Variants in DGKB observed in about 807,000 individuals in gnomAD.
The protein encoded by DGKB is 90 kDa diacylglycerol kinase.
A neutral mutation model predicts 114.3 loss-of-function variants in DGKB; 67 were observed. That is an observed-to-expected ratio of 0.59 (90% confidence interval 0.48 to 0.72). The LOEUF is 0.72. Ranked by LOEUF, DGKB falls within the 30% of genes least tolerant of loss-of-function variation. The probability of loss-of-function intolerance (pLI) is 0.00; values close to 1 mark genes in which losing one functional copy is unlikely to be tolerated. For synonymous variants in DGKB, 398 were observed against 323.1 expected, an observed-to-expected ratio of 1.23 and a Z score of -2.49; for missense variants, 907 against 975.2, an observed-to-expected ratio of 0.93 and a Z score of 0.93.
chr7:14,748,330 A>G (rs1289237648), intron 4 of DGKB, among the ~76,000 whole-genome samples: 1 of 152,212 alleles, frequency 6.6e-6, no homozygotes, highest in Non-Finnish European at 1.5e-5. Context: ...GAAGAAAAAG[A>G]TTTCTTGGGG....
chr7:14,547,130 T>C (rs978447710), intron 20 of DGKB, among the ~76,000 whole-genome samples: 10 of 152,182 alleles, frequency 6.6e-5, no homozygotes, highest in Non-Finnish European at 1.2e-4. Context: ...AATCCTTTTC[T>C]CCTTTTCTTT....
At chr7:14,179,350 T>C (rs1782284653) in intron 23 of DGKB, among the ~76,000 whole-genome samples, 1 of 152,198 alleles carries the variant, frequency 6.6e-6, no homozygotes, top group Non-Finnish European at 1.5e-5. Context: ...TTTTCCATTG[T>C]AATATTCTTA....
intron 20 of DGKB, among the ~76,000 whole-genome samples, chr7:14,479,426 T>G (rs1782668669): frequency 6.6e-6 from 1 of 152,100 alleles, no homozygotes; most frequent in East Asian, 1.9e-4. Flanking sequence ...TACCCTAAAA[T>G]TTGTCAAGTA....
intron 19 of DGKB, among the ~76,000 whole-genome samples, chr7:14,579,024 T>C (rs190961917): frequency 3.9e-5 from 6 of 152,336 alleles, no homozygotes; most frequent in Non-Finnish European, 7.3e-5. Context: ...TTTCTCCTCC[T>C]TCTTATATTT....
chr7:14,574,274 T>A lies in DGKB; in HGVS notation c.1708A>T (p.Lys570Ter). The A allele has an allele frequency of 3.1e-6, 5 of 1,613,394 alleles. No homozygotes were observed. The highest frequency in any genetic ancestry group is 4.2e-6 in the Non-Finnish European group (5 of 1,179,486). ...GGCACTGGGTCTCCTTTCTCATCTT[T>A]GTCATTAGGTATGACTTCAAACTTC... is the stretch of plus-strand genomic sequence containing the variant. ...RWKFEVIPND[K>*]DEKGDPVPYS... is the part of the protein sequence containing the mutation. The change falls in exon 20 of 26, where the codon AAA becomes TAA. Residue 570 changes from lysine to a stop codon, truncating the protein, a stop_gained. Transcript: ENST00000402815. LOFTEE classifies it high-confidence loss of function.
intron 23 of DGKB, among the ~76,000 whole-genome samples, chr7:14,264,222 C>T (rs575567843): frequency 6.6e-6 from 1 of 152,200 alleles, no homozygotes; most frequent in Non-Finnish European, 1.5e-5. Flanking sequence ...GATGACATAT[C>T]CAGGTGAAGC....
chr7:14,163,239 C>CT lies in DGKB; in HGVS notation c.2304+13599dup, dbSNP rs369541136. ...AATTGGAAATTAGTCACAATCAATC[C>CT]TTTTTTTTTAACCAATCTGAAATGA... On this transcript the variant is annotated intron_variant, in intron 25 of 25. Coordinates refer to ENST00000402815, the MANE Select transcript of DGKB (RefSeq NM_001350709.2). Among the ~76,000 whole-genome samples the CT allele has an allele frequency of 6.6e-3, 994 of 151,132 alleles. 10 individuals are homozygous for CT. The highest frequency in any genetic ancestry group is 0.02 in the African/African-American group (806 of 41,218).
At chr7:14,150,118 A>G (rs1781971392) in intron 25 of DGKB, among the ~76,000 whole-genome samples, 1 of 152,180 alleles carries the variant, frequency 6.6e-6, no homozygotes, top group Non-Finnish European at 1.5e-5. Context: ...ATTATGTAAT[A>G]AAAAGGTCAC....
At chr7:14,572,687 C>T (rs1257992618) in intron 20 of DGKB, among the ~76,000 whole-genome samples, 3 of 152,030 alleles carry the variant, frequency 2.0e-5, no homozygotes, top group Non-Finnish European at 4.4e-5. Context: ...GAAGGGATAA[C>T]CAATATTTGA....
intron 23 of DGKB, among the ~76,000 whole-genome samples, chr7:14,306,673 C>T (rs930603581): frequency 5.9e-5 from 9 of 152,018 alleles, no homozygotes; most frequent in Non-Finnish European, 1.3e-4. Flanking sequence ...TTTTAAGAGG[C>T]GTAATGTTGT....
intron 1 of DGKB, among the ~76,000 whole-genome samples, chr7:14,966,960 A>AT (rs1787191949): frequency 6.6e-6 from 1 of 152,200 alleles, no homozygotes; most frequent in Non-Finnish European, 1.5e-5. Context: ...AATATTATGC[A>AT]TGAATTGTAC....
At chr7:14,911,241 AG>A (rs1466286625) in intron 1 of DGKB, among the ~76,000 whole-genome samples, 2 of 152,118 alleles carry the variant, frequency 1.3e-5, no homozygotes, top group East Asian at 1.9e-4. Context: ...TGGAATCAGA[AG>A]CACTACCAAA....
chr7:14,606,619 T>C (rs1468428458), intron 17 of DGKB, among the ~76,000 whole-genome samples: 1 of 151,566 alleles, frequency 6.6e-6, no homozygotes, highest in Non-Finnish European at 1.5e-5. Context: ...AAATGAAGCA[T>C]GCATAAAGCT....
At chr7:14,700,368 C>G (rs773663014) in intron 7 of DGKB, among the ~76,000 whole-genome samples, 4 of 152,036 alleles carry the variant, frequency 2.6e-5, no homozygotes, top group Non-Finnish European at 4.4e-5. Context: ...TGCCCACTAC[C>G]ACGCCTCGAT....
chr7:14,862,278 C>A (rs543366157), intron 1 of DGKB, among the ~76,000 whole-genome samples: 72 of 152,124 alleles, frequency 4.7e-4, no homozygotes, highest in African/African-American at 1.6e-3. Flanking sequence ...GACATAGTTA[C>A]CACTGTGTGT....
At chr7:14,717,302 T>G (rs1389120780) in intron 6 of DGKB, among the ~76,000 whole-genome samples, 1 of 152,142 alleles carries the variant, frequency 6.6e-6, no homozygotes, top group African/African-American at 2.4e-5. Flanking sequence ...GAAAAAATGT[T>G]TGTCTTTATA....
intron 23 of DGKB, among the ~76,000 whole-genome samples, chr7:14,225,031 T>C (rs1319172218): frequency 6.6e-6 from 1 of 151,990 alleles, no homozygotes; most frequent in Non-Finnish European, 1.5e-5. Flanking sequence ...TCCAGCAAAG[T>C]AGCCAGCCTA....
At chr7:14,409,347 C>A (rs184101707) in intron 21 of DGKB, among the ~76,000 whole-genome samples, 1 of 152,126 alleles carries the variant, frequency 6.6e-6, no homozygotes, top group Non-Finnish European at 1.5e-5. Flanking sequence ...TATCATGAGA[C>A]CCACATGAAA....
At position 14,265,318 on chromosome 7, in the gene DGKB, C is replaced by CTTTTTTTTTTTTTTTT. The variant is rs781569705; in HGVS notation, c.2122+73181_2122+73196dup. 6.1e-3 allele frequency among the ~76,000 whole-genome samples: 413 copies of CTTTTTTTTTTTTTTTT among 67,714 alleles called. 44 individuals are homozygous for CTTTTTTTTTTTTTTTT. The highest frequency in any genetic ancestry group is 8.1e-3 in the East Asian group (11 of 1,360). The allele number at this position is 67,714 out of a possible 152,430, so 44.4% of individuals were successfully genotyped here. ...GGACTGCTGTCTTTTCTCTTGCATT[C>CTTTTTTTTTTTTTTTT]TTTTTTTTTTTTTTTTTTTTGCTTA... is the stretch of plus-strand genomic sequence containing the variant. On this transcript the variant is annotated intron_variant, in intron 23 of 25. Coordinates refer to ENST00000402815, the MANE Select transcript of DGKB (RefSeq NM_001350709.2).
Sources: gnomAD v4.1 joint callset for allele counts (sites outside exome capture counted in the v4.1 genomes callset) on GRCh38, gnomAD v4.1.1 for gene constraint, MANE v1.5 for transcripts, NCBI Gene and HGNC (gene_info 2026-07-23, HGNC 2026-07-21) for gene names.